Variants in RAD51B observed in about 807,000 individuals in gnomAD.
RAD51B encodes DNA repair protein RAD51 homolog 2.
Under a neutral mutation model 42.2 loss-of-function variants are expected in RAD51B, and 38 were observed. That is an observed-to-expected ratio of 0.90 (90% CI 0.70 to 1.18). RAD51B has a LOEUF of 1.18. Among genes scored for constraint, RAD51B ranks in the 50% most tolerant of loss-of-function variants. RAD51B has a pLI of 0.00. For missense variants in RAD51B, 373 were observed against 400.7 expected, an observed-to-expected ratio of 0.93 and a Z score of 0.59; for synonymous variants, 154 against 145.2, an observed-to-expected ratio of 1.06 and a Z score of -0.43.
At position 68,300,274 on chromosome 14, in the gene RAD51B, G is replaced by A. The variant is rs183386206; in HGVS notation, c.853+8294G>A. Among the ~76,000 whole-genome samples the A allele has an allele frequency of 1.4e-4, 22 of 151,886 alleles. No individual in the cohort carries two copies. The East Asian group carries it at 3.5e-3, about 24-fold the overall frequency. On this transcript the variant is annotated intron_variant, in intron 8 of 10. Coordinates refer to ENST00000471583, the MANE Select transcript of RAD51B (RefSeq NM_133510.4). ...TTTAGAGACAGGGTCTCACTCCATT[G>A]CCCTCACTGTAGCCTTGGCCTCCCA... is the stretch of plus-strand genomic sequence containing the variant.
intron 7 of RAD51B, among the ~76,000 whole-genome samples, chr14:68,066,045 A>T (rs1824268549): frequency 6.6e-6 from 1 of 152,022 alleles, no homozygotes; most frequent in Non-Finnish European, 1.5e-5. Flanking sequence ...TTTATCTGCA[A>T]ATATATTTAT....
chr14:67,834,002 A>G (rs2041145264), intron 3 of RAD51B, among the ~76,000 whole-genome samples: 1 of 152,194 alleles, frequency 6.6e-6, no homozygotes. Context: ...AATACAAATC[A>G]CACCCTGGGT....
At position 67,919,903 on chromosome 14, in the gene RAD51B, G is replaced by A. The variant is rs527437371; in HGVS notation, c.756+32699G>A. ...ATTGAACTGGCAAAGCAAGAGCTTG[G>A]GGCTGACTGTTGGATTAGCTGAAGA... On this transcript the variant is annotated intron_variant, in intron 7 of 10. Transcript: ENST00000471583. Among the ~76,000 whole-genome samples the A allele has an allele frequency of 3.3e-5, 5 of 152,260 alleles. No homozygotes were observed. The South Asian group carries it at 1.0e-3, about 32-fold the overall frequency.
chr14:67,898,463 G>T (rs996964986), intron 7 of RAD51B, among the ~76,000 whole-genome samples: 6 of 152,176 alleles, frequency 3.9e-5, no homozygotes, highest in African/African-American at 1.4e-4. Flanking sequence ...TGGTGAAAGG[G>T]TAAAAGTTTT....
At chr14:67,843,949 T>C (rs1033108845) in intron 4 of RAD51B, among the ~76,000 whole-genome samples, 1 of 152,076 alleles carries the variant, frequency 6.6e-6, no homozygotes, top group African/African-American at 2.4e-5. Flanking sequence ...TTAGGTTATT[T>C]ACTTGAGAAC....
At chr14:68,332,511 C>G (rs1747535226) in intron 8 of RAD51B, among the ~76,000 whole-genome samples, 1 of 152,206 alleles carries the variant, frequency 6.6e-6, no homozygotes, top group Non-Finnish European at 1.5e-5. Context: ...GTGCATGGCT[C>G]TTAACTACTG....
At chr14:67,900,659 A>G (rs2043582885) in intron 7 of RAD51B, among the ~76,000 whole-genome samples, 1 of 149,246 alleles carries the variant, frequency 6.7e-6, no homozygotes, top group South Asian at 2.1e-4. Flanking sequence ...AAATATATAT[A>G]TTTGAAGGAG....
chr14:68,610,843 ATGTGTGTGTGTGTGTGTG>A (rs60173412), intron 10 of RAD51B, among the ~76,000 whole-genome samples: 9 of 144,994 alleles, frequency 6.2e-5, no homozygotes, highest in East Asian at 2.0e-4. Flanking sequence ...CTGAATGTAT[ATGTGTGTGTGTGTGTGTG>A]TGTGTGTGTG....
intron 10 of RAD51B, among the ~76,000 whole-genome samples, chr14:68,471,159 T>C (rs1327663838): frequency 2.0e-5 from 3 of 152,086 alleles, no homozygotes; most frequent in African/African-American, 4.8e-5. Flanking sequence ...GCAGCCCATG[T>C]CCAGGGACTT....
intron 8 of RAD51B, among the ~76,000 whole-genome samples, chr14:68,346,911 C>T (rs1466829547): frequency 5.3e-5 from 8 of 152,112 alleles, no homozygotes; most frequent in Admixed American, 4.6e-4. Context: ...CCTTTTGCTG[C>T]TCCTCTGCCT....
At chr14:68,359,520 C>T (rs1169910137) in intron 8 of RAD51B, among the ~76,000 whole-genome samples, 1 of 152,120 alleles carries the variant, frequency 6.6e-6, no homozygotes. Flanking sequence ...GTGGGAAACG[C>T]AAACAGCTGC....
At chr14:68,342,295 T>A (rs967279692) in intron 8 of RAD51B, among the ~76,000 whole-genome samples, 7 of 152,076 alleles carry the variant, frequency 4.6e-5, no homozygotes, top group Non-Finnish European at 1.0e-4. Context: ...AGAAAAAAAA[T>A]TTACTAGTCA....
At position 68,218,855 on chromosome 14, in the gene RAD51B, A is replaced by G. The variant is rs558372492; in HGVS notation, c.757-73029A>G. On this transcript the variant is annotated intron_variant, in intron 7 of 10. Transcript: ENST00000471583. ...ATATATATTATCAAGCCACAATATTACAACCTGACACTATTAGATATAATA... is the reference window on the plus strand; with the variant it reads ...ATATATATTATCAAGCCACAATATTGCAACCTGACACTATTAGATATAATA... 5.9e-5 allele frequency among the ~76,000 whole-genome samples: 9 copies of G among 152,378 alleles called. No homozygotes were observed. In the East Asian group the frequency reaches 1.7e-3, roughly 29 times the overall value.
intron 7 of RAD51B, among the ~76,000 whole-genome samples, chr14:68,229,025 C>G (rs1414939540): frequency 6.6e-6 from 1 of 152,156 alleles, no homozygotes; most frequent in Non-Finnish European, 1.5e-5. Flanking sequence ...GATTATAAAA[C>G]TCTACTTTTT....
At chr14:68,663,130 A>C (rs1346410749) in intron 11 of RAD51B, among the ~76,000 whole-genome samples, 2 of 152,100 alleles carry the variant, frequency 1.3e-5, no homozygotes, top group South Asian at 2.1e-4. Context: ...GTGAAATTCT[A>C]TCTCTACTAA....
chr14:68,112,375 A>T (rs2077473271), intron 7 of RAD51B, among the ~76,000 whole-genome samples: 1 of 152,040 alleles, frequency 6.6e-6, no homozygotes, highest in Non-Finnish European at 1.5e-5. Flanking sequence ...AAGATTTAGA[A>T]TACAAATTTA....
intron 7 of RAD51B, among the ~76,000 whole-genome samples, chr14:68,213,495 G>T (rs2079753213): frequency 6.6e-6 from 1 of 152,146 alleles, no homozygotes; most frequent in African/African-American, 2.4e-5. Context: ...CCTAAGCTAA[G>T]GTTAACAAAA....
intron 10 of RAD51B, among the ~76,000 whole-genome samples, chr14:68,566,679 G>A (rs1019236927): frequency 2.6e-5 from 4 of 152,230 alleles, no homozygotes; most frequent in South Asian, 2.1e-4. Context: ...CTCAGTGACT[G>A]GGGGCATGCT....
intron 7 of RAD51B, among the ~76,000 whole-genome samples, chr14:67,956,461 G>A (rs1443367934): frequency 6.6e-6 from 1 of 151,900 alleles, no homozygotes; most frequent in Non-Finnish European, 1.5e-5. Flanking sequence ...ACCCCAGCCT[G>A]GGCGACAGAG....
Sources: allele counts gnomAD v4.1 joint callset (sites outside exome capture counted in the v4.1 genomes callset), GRCh38; gene constraint gnomAD v4.1.1; transcripts MANE v1.5; gene names NCBI Gene and HGNC (gene_info 2026-07-23, HGNC 2026-07-21).